The following GRM3 variants were observed in gnomAD, a reference collection of about 807,000 sequenced individuals.
GRM3 encodes the protein glutamate metabotropic receptor 3, also known as metabotropic glutamate receptor 3.
Under a neutral mutation model 70.5 loss-of-function variants are expected in GRM3, and 26 were observed. That is an observed-to-expected ratio of 0.37 (90% CI 0.27 to 0.51). The LOEUF is 0.51. Among genes scored for constraint, GRM3 ranks in the 20% least tolerant of loss-of-function variants. The pLI, the probability that GRM3 is intolerant of heterozygous loss-of-function variation, is 0.93. For missense variants in GRM3, 859 were observed against 1,123.8 expected (o/e 0.76, Z 3.37); for synonymous variants, 443 against 434.9 (o/e 1.02, Z -0.23).
At chr7:86,658,844 G>T in intron 1 of GRM3, among the ~76,000 whole-genome samples, 1 of 147,238 alleles carries the variant, frequency 6.8e-6, no homozygotes, top group Admixed American at 6.8e-5. Context: ...TCAGTACCCT[G>T]TTATACTAAA....
intron 1 of GRM3, among the ~76,000 whole-genome samples, chr7:86,648,716 AT>A (rs1793537629): frequency 6.6e-6 from 1 of 152,006 alleles, no homozygotes. Flanking sequence ...TACTTTAAAA[AT>A]AGAAAAGCCT....
chr7:86,655,846 G>GTT (rs1462272752), intron 1 of GRM3, among the ~76,000 whole-genome samples: 1 of 135,058 alleles, frequency 7.4e-6, no homozygotes, highest in Non-Finnish European at 1.6e-5. Flanking sequence ...GTGTGTGTGT[G>GTT]TGTGTGGGTG....
At chr7:86,755,652 T>C (rs960207247) in intron 1 of GRM3, among the ~76,000 whole-genome samples, 1 of 152,174 alleles carries the variant, frequency 6.6e-6, no homozygotes, top group African/African-American at 2.4e-5. Flanking sequence ...AAGCCTTGAC[T>C]AAATCTATTA....
At chr7:86,774,332 T>C (rs1483974938) in intron 2 of GRM3, among the ~76,000 whole-genome samples, 1 of 152,132 alleles carries the variant, frequency 6.6e-6, no homozygotes, top group African/African-American at 2.4e-5. Flanking sequence ...ATTAGCAGAC[T>C]TTGGGAATTT....
intron 5 of GRM3, among the ~76,000 whole-genome samples, chr7:86,852,887 G>A (rs1367444773): frequency 6.6e-6 from 1 of 152,122 alleles, no homozygotes; most frequent in African/African-American, 2.4e-5. Context: ...TACTTCTCAA[G>A]GATATACAGT....
intron 1 of GRM3, among the ~76,000 whole-genome samples, chr7:86,715,499 C>T (rs1175772553): frequency 1.3e-5 from 2 of 151,902 alleles, no homozygotes; most frequent in South Asian, 2.1e-4. Flanking sequence ...CCAGTAAATG[C>T]CTTTTACTAT....
chr7:86,832,677 G>T (rs1202739223), intron 3 of GRM3, among the ~76,000 whole-genome samples: 1 of 152,082 alleles, frequency 6.6e-6, no homozygotes, highest in Admixed American at 6.5e-5. Flanking sequence ...ACTTCTGTCT[G>T]AGAAGAAAAA....
rs537817511 is a variant in GRM3, at chr7:86,649,512, C to CA, written c.-141+4645dup. Among the ~76,000 whole-genome samples, 150 of 152,180 alleles carry CA rather than the reference C, an allele frequency of 9.9e-4. 1 individual carries two copies. The highest frequency in any genetic ancestry group is 6.8e-3 in the Middle Eastern group (2 of 294). On this transcript the variant is annotated intron_variant, in intron 1 of 5. Transcript: ENST00000361669. ...GCCATATATAGAGAAGGCACCTCCA[C>CA]AAAAAGCCCAAAGTAACTCTGATCT...
chr7:86,788,191 A>G (rs1797316556), intron 3 of GRM3, among the ~76,000 whole-genome samples: 1 of 152,224 alleles, frequency 6.6e-6, no homozygotes, highest in South Asian at 2.1e-4. Context: ...GAAAGTTTAT[A>G]TGCTCAGATC....
At chr7:86,660,976 A>T (rs1465252538) in intron 1 of GRM3, among the ~76,000 whole-genome samples, 1 of 152,020 alleles carries the variant, frequency 6.6e-6, no homozygotes, top group Non-Finnish European at 1.5e-5. Context: ...CAGAAAGCCA[A>T]CAACAAATGA....
intron 1 of GRM3, among the ~76,000 whole-genome samples, chr7:86,715,403 C>G (rs1795291384): frequency 6.6e-6 from 1 of 151,964 alleles, no homozygotes; most frequent in African/African-American, 2.4e-5. Flanking sequence ...CTTAACCTCC[C>G]TGAGCCTCTG....
At chr7:86,842,705 A>C (rs564282479) in intron 4 of GRM3, among the ~76,000 whole-genome samples, 2 of 152,334 alleles carry the variant, frequency 1.3e-5, no homozygotes, top group African/African-American at 2.4e-5. Flanking sequence ...ATAAATAAAC[A>C]TAAGGCATGA....
At chr7:86,801,556 ATCTT>A (rs1483406029) in intron 3 of GRM3, among the ~76,000 whole-genome samples, 19 of 152,356 alleles carry the variant, frequency 1.2e-4, no homozygotes, top group African/African-American at 4.6e-4. Flanking sequence ...TTTTCAGAGA[ATCTT>A]TAGTATTCAG....
At chr7:86,806,039 G>A (rs1239736672) in intron 3 of GRM3, among the ~76,000 whole-genome samples, 1 of 152,058 alleles carries the variant, frequency 6.6e-6, no homozygotes, top group African/African-American at 2.4e-5. Context: ...CAGACTGATG[G>A]TTTCCAGCTT....
At chr7:86,749,341 T>C (rs1796178634) in intron 1 of GRM3, among the ~76,000 whole-genome samples, 1 of 151,554 alleles carries the variant, frequency 6.6e-6, no homozygotes, top group Non-Finnish European at 1.5e-5. Context: ...AGAAGGATGC[T>C]TGGGTAGTTC....
At chr7:86,780,288 T>G (rs1257093895) in intron 2 of GRM3, among the ~76,000 whole-genome samples, 1 of 152,198 alleles carries the variant, frequency 6.6e-6, no homozygotes, top group African/African-American at 2.4e-5. Context: ...GATCCCTGTA[T>G]GCATATGTAA....
intron 1 of GRM3, among the ~76,000 whole-genome samples, chr7:86,676,461 C>T (rs534256684): frequency 6.6e-6 from 1 of 151,986 alleles, no homozygotes; most frequent in South Asian, 2.1e-4. Context: ...AAAAATACAT[C>T]CTCAAATTAA....
intron 3 of GRM3, among the ~76,000 whole-genome samples, chr7:86,800,685 T>C (rs1416686840): frequency 1.3e-5 from 2 of 152,210 alleles, no homozygotes; most frequent in Non-Finnish European, 2.9e-5. Context: ...ACTAGATATA[T>C]TTACAGGTGA....
chr7:86,743,936 T>G (rs1252621934), intron 1 of GRM3, among the ~76,000 whole-genome samples: 1 of 152,102 alleles, frequency 6.6e-6, no homozygotes, highest in East Asian at 1.9e-4. Context: ...TTTATATCCT[T>G]TACAAAGCAC....
Sources: allele counts gnomAD v4.1 joint callset (sites outside exome capture counted in the v4.1 genomes callset), GRCh38; gene constraint gnomAD v4.1.1; transcripts MANE v1.5; gene names NCBI Gene and HGNC (gene_info 2026-07-23, HGNC 2026-07-21).